SEMA5A: variants seen among roughly 807,000 people sequenced by gnomAD.
SEMA5A encodes the protein semaphorin 5A.
In SEMA5A, 55 loss-of-function variants were observed where a neutral mutation model predicts 135.5. The observed-to-expected ratio is 0.41, with a 90% CI of 0.33 to 0.51. The LOEUF (loss-of-function observed/expected upper bound fraction) is 0.51, where lower values mean the gene tolerates loss of function less well. SEMA5A is among the 20% of genes least tolerant of loss of function. The probability of loss-of-function intolerance (pLI) is 0.37; values close to 1 mark genes in which losing one functional copy is unlikely to be tolerated. For synonymous variants in SEMA5A, 580 were observed against 546.5 expected, an observed-to-expected ratio of 1.06 and a Z score of -0.85; for missense variants, 1,290 against 1,419.9, an observed-to-expected ratio of 0.91 and a Z score of 1.47.
At chr5:9,505,975 G>A (rs1392319792) in intron 1 of SEMA5A, among the ~76,000 whole-genome samples, 1 of 152,150 alleles carries the variant, frequency 6.6e-6, no homozygotes, top group East Asian at 1.9e-4. Flanking sequence ...AATGAGTTGA[G>A]ATATCAAGAG....
At chr5:9,541,820 T>C (rs1167063255) in intron 1 of SEMA5A, among the ~76,000 whole-genome samples, 2 of 152,230 alleles carry the variant, frequency 1.3e-5, no homozygotes, top group Non-Finnish European at 2.9e-5. Context: ...TCTTTGAAGT[T>C]GCCTGGCTTC....
chr5:9,122,955 T>C (rs182901866), intron 13 of SEMA5A, 118 bp from the exon 14 acceptor site: 13 of 982,644 alleles, frequency 1.3e-5, no homozygotes, highest in East Asian at 1.2e-4. Context: ...GTTGTTGTTG[T>C]TGCTGCAGTT....
chr5:9,050,680 T>C (rs1262504739), intron 20 of SEMA5A, among the ~76,000 whole-genome samples: 1 of 152,216 alleles, frequency 6.6e-6, no homozygotes, highest in Admixed American at 6.5e-5. Flanking sequence ...TAAGATTCAT[T>C]TATCACAGAA....
chr5:9,494,272 C>T (rs1735187791), intron 1 of SEMA5A, among the ~76,000 whole-genome samples: 1 of 152,130 alleles, frequency 6.6e-6, no homozygotes, highest in Non-Finnish European at 1.5e-5. Flanking sequence ...TATCTTTTAG[C>T]TCTCAAACTC....
At chr5:9,289,581 C>A (rs1004645914) in intron 5 of SEMA5A, among the ~76,000 whole-genome samples, 2 of 152,036 alleles carry the variant, frequency 1.3e-5, no homozygotes, top group African/African-American at 2.4e-5. Context: ...AGGAGAATCA[C>A]TTGAACCCAG....
chr5:9,057,393 T>C (rs1312028471), intron 18 of SEMA5A, among the ~76,000 whole-genome samples: 1 of 152,240 alleles, frequency 6.6e-6, no homozygotes, highest in Admixed American at 6.5e-5. Flanking sequence ...CTGATGTACA[T>C]AATATATCCT....
chr5:9,250,345 T>C (rs541294813), intron 5 of SEMA5A, among the ~76,000 whole-genome samples: 1 of 152,266 alleles, frequency 6.6e-6, no homozygotes, highest in South Asian at 2.1e-4. Context: ...ACCCATTCCT[T>C]AAGCTGGGTT....
chr5:9,220,715 G>A (rs186381911), intron 8 of SEMA5A, among the ~76,000 whole-genome samples: 51 of 152,318 alleles, frequency 3.3e-4, no homozygotes, highest in Admixed American at 2.9e-3. Context: ...TCAAGCCACA[G>A]CGTGCACTAC....
At chr5:9,182,822 A>G (rs1193589787) in intron 11 of SEMA5A, among the ~76,000 whole-genome samples, 3 of 151,996 alleles carry the variant, frequency 2.0e-5, no homozygotes, top group Non-Finnish European at 4.4e-5. Flanking sequence ...CCTTTTTGTT[A>G]TCCTCTGATT....
Position 9,545,715 on chromosome 5 carries a change from GC to G in SEMA5A, c.-307del, listed in dbSNP as rs1245926921. On this transcript the variant is annotated 5_prime_UTR_variant, in exon 1 of 23. Transcript: ENST00000382496. The surrounding 1 kb of genome is among the most constrained non-coding windows in gnomAD (Gnocchi z 4.5). ...CGCCCCCTGCCACTTCCCCAGAGCC[GC>G]CCCCTACTCGCTGAGTTCCAGAATG... 6.6e-6 allele frequency: 1 copy of G among 152,398 alleles called. No homozygotes were observed. The highest frequency in any genetic ancestry group is 2.4e-5 in the African/African-American group (1 of 41,438). 9.4% of individuals were successfully genotyped at this position (152,398 alleles called of 1,614,324 possible).
chr5:9,103,330 CA>C (rs1448511082), intron 16 of SEMA5A, among the ~76,000 whole-genome samples: 6 of 152,184 alleles, frequency 3.9e-5, no homozygotes, highest in African/African-American at 1.4e-4. Context: ...TCATGTGTCA[CA>C]ACCTATTTAA....
chr5:9,325,503 C>T (rs1047924702), intron 4 of SEMA5A, among the ~76,000 whole-genome samples: 1 of 152,050 alleles, frequency 6.6e-6, no homozygotes, highest in Admixed American at 6.6e-5. Flanking sequence ...GATTGAATAA[C>T]TCATTCCTGG....
chr5:9,154,632 T>A lies in SEMA5A; in HGVS notation c.1337A>T (p.Glu446Val), dbSNP rs373923556. The A allele has an allele frequency of 9.9e-6, 16 of 1,613,928 alleles. No individual in the cohort carries two copies. Among genetic ancestry groups the A allele is most frequent in the Non-Finnish European group, 1.4e-5 (16 of 1,180,010 alleles). ...CCTCTCAGGGAAGAGCTCAATCTCT[T>A]CCAGCAAACAGCTGCTTGAGGTCTG... Reference protein sequence around the residue: ...LNQTSSSCLLEEIELFPERRR... With the variant: ...LNQTSSSCLLVEIELFPERRR... Residue 446 changes from glutamate (E) to valine (V), a missense_variant, in exon 12 of 23, where the codon GAA becomes GTA. Glu to Val is a moderately radical substitution (Grantham distance 121). Around this residue, in one of 3 missense-constraint regions of SEMA5A, gnomAD observed 1,029 missense variants for 1,086.6 expected, o/e 0.95. Coordinates refer to ENST00000382496, the MANE Select transcript of SEMA5A (RefSeq NM_003966.3).
chr5:9,544,651 C>A (rs2126408352), intron 1 of SEMA5A, among the ~76,000 whole-genome samples: 1 of 152,358 alleles, frequency 6.6e-6, no homozygotes, highest in South Asian at 2.1e-4. Context: ...GCAGCGCCCC[C>A]TGCCGGGAAT....
rs144297586 is a variant in SEMA5A, at chr5:9,356,203, G to C, written c.125-18391C>G. Among the ~76,000 whole-genome samples, 42 of 152,220 alleles carry C rather than the reference G, an allele frequency of 2.8e-4. 1 individual carries two copies. The highest frequency in any genetic ancestry group is 7.5e-4 in the African/African-American group (31 of 41,532). The stretch of plus-strand genomic sequence containing the variant: ...TACCTTGAGAGACAGAGGCTCTGTT[G>C]GTTATGATTAGATGGTTTACTAACA... On this transcript the variant is annotated intron_variant, in intron 3 of 22. Coordinates refer to ENST00000382496, the MANE Select transcript of SEMA5A (RefSeq NM_003966.3).
chr5:9,422,002 G>A (rs1369655916), intron 2 of SEMA5A, among the ~76,000 whole-genome samples: 2 of 152,060 alleles, frequency 1.3e-5, no homozygotes, highest in Admixed American at 6.5e-5. Context: ...TTAGTTTAAC[G>A]ATAACCAAAT....
chr5:9,071,063 T>C (rs1406430549), intron 16 of SEMA5A, among the ~76,000 whole-genome samples: 3 of 152,248 alleles, frequency 2.0e-5, no homozygotes, highest in Admixed American at 6.5e-5. Context: ...CTAACTATTA[T>C]GATTTGGCAC....
At chr5:9,097,773 G>C in intron 16 of SEMA5A, among the ~76,000 whole-genome samples, 1 of 152,316 alleles carries the variant, frequency 6.6e-6, no homozygotes, top group Middle Eastern at 3.4e-3. Context: ...GTACAACAAG[G>C]TGATGGACTG....
At chr5:9,056,520 G>A (rs534508192) in intron 18 of SEMA5A, among the ~76,000 whole-genome samples, 97 of 152,244 alleles carry the variant, frequency 6.4e-4, no homozygotes, top group African/African-American at 2.0e-3. Flanking sequence ...CCAGGAGTTC[G>A]AGACCAGCCT....
Sources: gnomAD v4.1 joint callset for allele counts (sites outside exome capture counted in the v4.1 genomes callset) on GRCh38, gnomAD v4.1.1 for gene constraint, gnomAD v4.1.1 regional missense constraint, Gnocchi (gnomAD v3.1) non-coding constraint, MANE v1.5 for transcripts, NCBI Gene and HGNC (gene_info 2026-07-23, HGNC 2026-07-21) for gene names.